SYT1: variants seen among roughly 807,000 people sequenced by gnomAD.
SYT1 encodes the protein synaptotagmin 1.
In SYT1, 8 loss-of-function variants were observed where a neutral mutation model predicts 44.8. That is an observed-to-expected ratio of 0.18 (90% CI 0.10 to 0.32). The LOEUF is 0.32. SYT1 is among the 10% of genes least tolerant of loss of function. The pLI is 1.00. For synonymous variants in SYT1, 154 were observed against 188.8 expected (o/e 0.82, Z 1.51); for missense variants, 286 against 509.3 (o/e 0.56, Z 4.22).
At chr12:78,949,472 C>G (rs529062968) in intron 1 of SYT1, among the ~76,000 whole-genome samples, 64 of 142,466 alleles carry the variant, frequency 4.5e-4, no homozygotes, top group African/African-American at 1.7e-3. Flanking sequence ...GACAATATAG[C>G]TCATTAAAAA....
At chr12:79,286,527 T>G (rs1246478816) in intron 5 of SYT1, among the ~76,000 whole-genome samples, 7 of 152,168 alleles carry the variant, frequency 4.6e-5, no homozygotes, top group Non-Finnish European at 1.0e-4. Flanking sequence ...CAGGATAGAA[T>G]TTTTGCCTTA....
In SYT1 at chr12:79,360,560, T is replaced by G. The variant is rs1003521189; in HGVS notation, c.928+6941T>G. ...AATAAATAAAATGGCAAAAACTTAT[T>G]TGAACCAATTAGACAGGGATATGCA... On this transcript the variant is annotated intron_variant, in intron 9 of 10. Transcript: ENST00000261205. Among the ~76,000 whole-genome samples the G allele has an allele frequency of 1.8e-4, 27 of 152,268 alleles. 1 individual carries two copies. Among genetic ancestry groups the G allele is most frequent in the African/African-American group, 5.5e-4 (23 of 41,550 alleles).
chr12:79,041,330 G>A (rs1460682643), intron 2 of SYT1, among the ~76,000 whole-genome samples: 4 of 152,116 alleles, frequency 2.6e-5, no homozygotes, highest in African/African-American at 9.7e-5. Context: ...TCCTTGAAGA[G>A]GTCCTTCACA....
chr12:79,120,391 G>A (rs1041481327), intron 3 of SYT1, among the ~76,000 whole-genome samples: 65 of 151,788 alleles, frequency 4.3e-4, no homozygotes, highest in Non-Finnish European at 2.9e-4. Flanking sequence ...ATCTGCACCC[G>A]TACCTACTGT....
intron 9 of SYT1, among the ~76,000 whole-genome samples, chr12:79,399,048 T>C (rs1016473440): frequency 1.6e-4 from 25 of 152,206 alleles, no homozygotes; most frequent in African/African-American, 5.5e-4. Flanking sequence ...AGTCAGTCAA[T>C]GTTGACAACA....
chr12:79,317,882 A>C (rs950814926), intron 8 of SYT1, among the ~76,000 whole-genome samples: 9 of 152,308 alleles, frequency 5.9e-5, no homozygotes, highest in African/African-American at 2.2e-4. Flanking sequence ...GGACCGTATT[A>C]GTCACATAGA....
intron 6 of SYT1, among the ~76,000 whole-genome samples, chr12:79,293,375 TAAA>T (rs1363054065): frequency 7.1e-6 from 1 of 140,512 alleles, no homozygotes. Flanking sequence ...TAAAATAAAA[TAAA>T]ATAAAATAAA....
intron 1 of SYT1, among the ~76,000 whole-genome samples, chr12:78,952,892 T>G (rs1239818350): frequency 6.6e-6 from 1 of 152,140 alleles, no homozygotes; most frequent in Non-Finnish European, 1.5e-5. Flanking sequence ...TTTGTTTTTC[T>G]TAAGCTGACT....
intron 3 of SYT1, among the ~76,000 whole-genome samples, chr12:79,163,055 G>A (rs1871044864): frequency 6.6e-6 from 1 of 152,064 alleles, no homozygotes; most frequent in Admixed American, 6.6e-5. Context: ...TAGCCTTTAA[G>A]AACTATCCCC....
At chr12:79,021,124 A>G (rs1872161653) in intron 2 of SYT1, among the ~76,000 whole-genome samples, 1 of 151,948 alleles carries the variant, frequency 6.6e-6, no homozygotes, top group Non-Finnish European at 1.5e-5. Context: ...GCAAAGCTCC[A>G]TTCAGCTATA....
At chr12:79,172,992 AAAAAAAAAAAAAAAG>A (rs1447854079) in intron 3 of SYT1, among the ~76,000 whole-genome samples, 13 of 143,064 alleles carry the variant, frequency 9.1e-5, no homozygotes, top group African/African-American at 1.3e-4. Context: ...AAAAAAAAAA[AAAAAAAAAAAAAAAG>A]GGAGTTTGGC....
chr12:78,963,682 G>T (rs899911483), intron 1 of SYT1, among the ~76,000 whole-genome samples: 2 of 152,088 alleles, frequency 1.3e-5, no homozygotes, highest in African/African-American at 4.8e-5. Flanking sequence ...ACAGATGCTG[G>T]CAAGGTTGTG....
At chr12:79,136,316 A>G (rs1372014590) in intron 3 of SYT1, among the ~76,000 whole-genome samples, 6 of 152,142 alleles carry the variant, frequency 3.9e-5, no homozygotes, top group African/African-American at 1.2e-4. Flanking sequence ...CATTTTTATA[A>G]AGAAGGGAAA....
rs537135713 is a variant in SYT1 at position 79,193,689 on chromosome 12, C to T, written c.-17-23814C>T. Among the ~76,000 whole-genome samples, 314 of 152,256 alleles carry T rather than the reference C, an allele frequency of 2.1e-3. 1 individual carries two copies. The highest frequency in any genetic ancestry group is 7.1e-3 in the African/African-American group (296 of 41,566). On this transcript the variant is annotated intron_variant, in intron 3 of 10. Transcript: ENST00000261205. ...GCTGCAGTGAGCTATGATCATGCCACTGCACTCCAGCCTGGGTAGTGAGAA... is the reference window on the plus strand; with the variant it reads ...GCTGCAGTGAGCTATGATCATGCCATTGCACTCCAGCCTGGGTAGTGAGAA...
intron 1 of SYT1, among the ~76,000 whole-genome samples, chr12:78,924,554 T>C (rs868223947): frequency 7.3e-5 from 11 of 150,376 alleles, no homozygotes; most frequent in Middle Eastern, 7.1e-3. Flanking sequence ...TATATCCTGG[T>C]AGACATATAT....
chr12:79,221,530 G>T (rs1028625850), intron 4 of SYT1, among the ~76,000 whole-genome samples: 1 of 151,904 alleles, frequency 6.6e-6, no homozygotes, highest in African/African-American at 2.4e-5. Flanking sequence ...TTTCTCTAGT[G>T]GTATGTCTGA....
At chr12:78,904,665 T>G (rs1173860157) in intron 1 of SYT1, among the ~76,000 whole-genome samples, 1 of 152,108 alleles carries the variant, frequency 6.6e-6, no homozygotes, top group African/African-American at 2.4e-5. Context: ...CATATTCCAT[T>G]GTTCAAAAAT....
At chr12:79,365,895 T>G (rs1202134548) in intron 9 of SYT1, among the ~76,000 whole-genome samples, 2 of 148,986 alleles carry the variant, frequency 1.3e-5, no homozygotes, top group Non-Finnish European at 3.0e-5. Context: ...TCAACTATAT[T>G]TGCAGGAGTC....
chr12:78,900,680 T>C (rs1454777635), intron 1 of SYT1, among the ~76,000 whole-genome samples: 5 of 152,050 alleles, frequency 3.3e-5, no homozygotes, highest in South Asian at 2.1e-4. Context: ...GTACACCACA[T>C]AGGGCCTTGT....
Sources: allele counts gnomAD v4.1 joint callset (sites outside exome capture counted in the v4.1 genomes callset), GRCh38; gene constraint gnomAD v4.1.1; transcripts MANE v1.5; gene names NCBI Gene and HGNC (gene_info 2026-07-23, HGNC 2026-07-21).